The following WRN variants were observed in gnomAD, a reference collection of about 807,000 sequenced individuals.
WRN encodes WRN RecQ like helicase, also known as bifunctional 3'-5' exonuclease/ATP-dependent helicase WRN.
In WRN, 149 loss-of-function variants were observed where a neutral mutation model predicts 180.7. That is an observed-to-expected ratio of 0.82 (90% CI 0.72 to 0.94). The LOEUF (loss-of-function observed/expected upper bound fraction) is 0.94. WRN is among the 40% of genes least tolerant of loss of function. The pLI, the probability that WRN is intolerant of heterozygous loss-of-function variation, is 0.00. For missense variants in WRN, 1,661 were observed against 1,700.1 expected (o/e 0.98, Z 0.40); for synonymous variants, 548 against 568.9 (o/e 0.96, Z 0.52).
At chr8:31,122,705 G>T (rs1006232513) in intron 21 of WRN, among the ~76,000 whole-genome samples, 2 of 151,586 alleles carry the variant, frequency 1.3e-5, no homozygotes, top group Non-Finnish European at 2.9e-5. Flanking sequence ...AGTCCCAAAA[G>T]AAAAATAAAT....
chr8:31,115,130 A>G (rs1472675364), intron 19 of WRN, among the ~76,000 whole-genome samples: 2 of 152,142 alleles, frequency 1.3e-5, no homozygotes, highest in Admixed American at 1.3e-4. Flanking sequence ...TTCTGAGCTC[A>G]GGTAATCCGC....
chr8:31,174,837 C>CTCCT lies in WRN; in HGVS notation c.*1738_*1739insTTCC, dbSNP rs1322548390. Among the ~76,000 whole-genome samples the CTCCT allele has an allele frequency of 7.5e-6, 1 of 134,100 alleles. No individual in the cohort carries two copies. Among genetic ancestry groups the CTCCT allele is most frequent in the Non-Finnish European group, 1.6e-5 (1 of 61,294 alleles). The allele number at this position is 134,100 out of a possible 152,430, so 88.0% of individuals were successfully genotyped here. ...CCTTCCTTCCTCCCTCCCTCCCTCC[C>CTCCT]TCCCTCCCTCCCTCCTTTCTTTTTC... is the stretch of plus-strand genomic sequence containing the variant. On this transcript the variant is annotated 3_prime_UTR_variant, in exon 35 of 35. Coordinates refer to ENST00000298139, the MANE Select transcript of WRN (RefSeq NM_000553.6).
chr8:31,141,629 A>G (rs1421980927), intron 25 of WRN, 29 bp downstream of exon 25: 2 of 1,614,070 alleles, frequency 1.2e-6, no homozygotes, highest in South Asian at 1.1e-5. Context: ...TGCCTGTTTG[A>G]CTTAATTTTG....
intron 33 of WRN, among the ~76,000 whole-genome samples, chr8:31,163,773 C>A (rs1344877055): frequency 3.3e-5 from 5 of 150,810 alleles, no homozygotes; most frequent in African/African-American, 4.9e-5. Flanking sequence ...GTTGTACATA[C>A]AATATGAAAA....
At chr8:31,073,762 A>AG (rs1478706231) in intron 7 of WRN, among the ~76,000 whole-genome samples, 1 of 152,104 alleles carries the variant, frequency 6.6e-6, no homozygotes, top group Non-Finnish European at 1.5e-5. Flanking sequence ...GAAGGAGGGA[A>AG]GTACAGGAGG....
At chr8:31,103,836 G>T (rs1034218851) in intron 18 of WRN, among the ~76,000 whole-genome samples, 3 of 152,038 alleles carry the variant, frequency 2.0e-5, no homozygotes, top group Admixed American at 1.3e-4. Flanking sequence ...CTGGGTTCAC[G>T]CCATTCTCCT....
chr8:31,149,500 A>G lies in WRN; in HGVS notation c.3573-841A>G, dbSNP rs1261046860. On this transcript the variant is annotated intron_variant, in intron 30 of 34. Transcript: ENST00000298139. ...TTTTTTTTTTTTTTTTTGGTGATAG[A>G]GTCTCACTCTGTCACCTAGGCTAGA... Among the ~76,000 whole-genome samples the G allele has an allele frequency of 7.4e-5, 6 of 80,726 alleles. No homozygotes were observed. The East Asian group carries it at 2.5e-3, about 34-fold the overall frequency. The allele number at this position is 80,726 out of a possible 152,430, so 53.0% of individuals were successfully genotyped here.
chr8:31,125,710 A>T (rs1801904968), intron 23 of WRN, among the ~76,000 whole-genome samples: 1 of 150,238 alleles, frequency 6.7e-6, no homozygotes, highest in Non-Finnish European at 1.5e-5. Flanking sequence ...GCAAGAGGTG[A>T]TGTTGCAGTC....
intron 1 of WRN, among the ~76,000 whole-genome samples, chr8:31,039,417 C>T (rs1194760109): frequency 2.0e-5 from 3 of 151,852 alleles, no homozygotes; most frequent in African/African-American, 7.3e-5. Flanking sequence ...TGATGTTGTA[C>T]TCTGAAACTT....
chr8:31,064,328 G>A lies in WRN; in HGVS notation c.249G>A (p.Met83Ile). 1 of 1,614,042 alleles carries A rather than the reference G, an allele frequency of 6.2e-7. No individual in the cohort carries two copies. Among genetic ancestry groups the A allele is most frequent in the Non-Finnish European group, 8.5e-7 (1 of 1,179,982 alleles). The change falls in exon 4 of 35, where the codon ATG (methionine) becomes ATA (isoleucine). Residue 83 changes from methionine (M) to isoleucine (I), a missense_variant. Coordinates refer to ENST00000298139, the MANE Select transcript of WRN (RefSeq NM_000553.6). ...LSDGDVVGFD[M>I]EWPPLYNRGK... is the part of the protein sequence containing the mutation. ...ATGGGGATGTGGTGGGATTTGACAT[G>A]GAGTGGCCACCATTATACAATAGAG...
chr8:31,170,650 C>A (rs1484654100), intron 34 of WRN, among the ~76,000 whole-genome samples: 1 of 152,060 alleles, frequency 6.6e-6, no homozygotes, highest in African/African-American at 2.4e-5. Context: ...ATGGTAATAG[C>A]TTGGTAACAG....
chr8:31,068,202 C>T, intron 6 of WRN, 56 bp from the exon 7 acceptor site: 1 of 1,316,770 alleles, frequency 7.6e-7, no homozygotes, highest in Non-Finnish European at 1.1e-6. Flanking sequence ...ATGGGACTTA[C>T]TGTTTTATTT....
intron 17 of WRN, among the ~76,000 whole-genome samples, chr8:31,100,036 C>CA (rs1814158702): frequency 6.6e-6 from 1 of 152,052 alleles, no homozygotes. Flanking sequence ...TATTAATGCT[C>CA]AGAGAAGTAT....
chr8:31,156,393 G>A (rs375475363), intron 32 of WRN, among the ~76,000 whole-genome samples: 23 of 152,262 alleles, frequency 1.5e-4, no homozygotes, highest in African/African-American at 5.1e-4. Flanking sequence ...CCAGTTAACC[G>A]CAGAATTAAA....
Position 31,077,242 on chromosome 8 carries a change from T to C in WRN, c.839+955T>C, listed in dbSNP as rs551197047. ...TGCAACTTGGACAATTTCTGAAAGA[T>C]GTAACTTTCTTTTTTTTGAGACGAG... On this transcript the variant is annotated intron_variant, in intron 8 of 34. Transcript: ENST00000298139. 2.1e-4 allele frequency among the ~76,000 whole-genome samples: 32 copies of C among 152,256 alleles called. No individual in the cohort carries two copies. The South Asian group carries it at 3.1e-3, about 15-fold the overall frequency.
At chr8:31,063,185 A>G (rs1466058856) in intron 3 of WRN, among the ~76,000 whole-genome samples, 1 of 152,226 alleles carries the variant, frequency 6.6e-6, no homozygotes, top group Non-Finnish European at 1.5e-5. Flanking sequence ...AAAATATTAT[A>G]TAATGTTATT....
chr8:31,050,798 T>C (rs1047239407), intron 1 of WRN, among the ~76,000 whole-genome samples: 16 of 152,288 alleles, frequency 1.1e-4, no homozygotes, highest in African/African-American at 3.8e-4. Flanking sequence ...ACTTAAGTAT[T>C]GCAACTGTTC....
chr8:31,137,183 G>A (rs565116252), intron 24 of WRN, among the ~76,000 whole-genome samples: 9 of 151,700 alleles, frequency 5.9e-5, no homozygotes, highest in African/African-American at 1.9e-4. Flanking sequence ...CATGGTGATT[G>A]CCATGGAAAC....
intron 17 of WRN, among the ~76,000 whole-genome samples, chr8:31,099,498 C>G (rs1418231627): frequency 6.6e-6 from 1 of 151,470 alleles, no homozygotes; most frequent in African/African-American, 2.4e-5. Context: ...TCAGTAGTAC[C>G]CAGAGAATTT....
Sources: allele counts gnomAD v4.1 joint callset (sites outside exome capture counted in the v4.1 genomes callset), GRCh38; gene constraint gnomAD v4.1.1; transcripts MANE v1.5; gene names NCBI Gene and HGNC (gene_info 2026-07-23, HGNC 2026-07-21).